The following NTM variants were observed in gnomAD, a reference collection of about 807,000 sequenced individuals.
NTM encodes the protein IgLON family member 2.
Under a neutral mutation model 42.1 loss-of-function variants are expected in NTM, and 13 were observed. The ratio of observed to expected loss-of-function variants is 0.31; its 90% CI spans 0.20 to 0.49. The LOEUF (loss-of-function observed/expected upper bound fraction) is 0.49. Among genes scored for constraint, NTM ranks in the 20% least tolerant of loss-of-function variants. The probability of loss-of-function intolerance (pLI) is 0.99; values close to 1 mark genes in which losing one functional copy is unlikely to be tolerated. For synonymous variants in NTM, 187 were observed against 179.2 expected (o/e 1.04, Z -0.35); for missense variants, 373 against 452.8 (o/e 0.82, Z 1.60).
intron 3 of NTM, among the ~76,000 whole-genome samples, chr11:132,151,893 A>G (rs2071990050): frequency 6.6e-6 from 1 of 152,194 alleles, no homozygotes; most frequent in Non-Finnish European, 1.5e-5. Context: ...CTTGCAAATA[A>G]TGGAAGTATG....
At chr11:131,645,416 G>A (rs928306233) in intron 1 of NTM, among the ~76,000 whole-genome samples, 29 of 152,184 alleles carry the variant, frequency 1.9e-4, no homozygotes, top group African/African-American at 7.0e-4. Context: ...CAGCAGACGT[G>A]CTGGGGAAAG....
chr11:132,317,963 G>A (rs1040298097), intron 7 of NTM, among the ~76,000 whole-genome samples: 1 of 152,224 alleles, frequency 6.6e-6, no homozygotes, highest in East Asian at 1.9e-4. Flanking sequence ...TCAGCACAAA[G>A]GCAAAGGGTA....
intron 3 of NTM, among the ~76,000 whole-genome samples, chr11:132,172,844 G>A (rs1341359981): frequency 1.3e-5 from 2 of 152,150 alleles, no homozygotes; most frequent in Non-Finnish European, 1.5e-5. Context: ...TGTTTCGATC[G>A]CTTTTGCCAT....
chr11:131,713,774 T>A (rs1199306924), intron 1 of NTM, among the ~76,000 whole-genome samples: 1 of 152,166 alleles, frequency 6.6e-6, no homozygotes, highest in East Asian at 1.9e-4. Context: ...AGACTTAGAC[T>A]GAGGGGCATA....
intron 2 of NTM, among the ~76,000 whole-genome samples, chr11:131,998,879 A>G (rs1015007553): frequency 6.6e-6 from 1 of 152,150 alleles, no homozygotes; most frequent in Admixed American, 6.5e-5. Context: ...CAGCGTGGGT[A>G]TTATGGGAGA....
At chr11:131,581,305 A>G (rs2058389732) in intron 1 of NTM, among the ~76,000 whole-genome samples, 1 of 152,158 alleles carries the variant, frequency 6.6e-6, no homozygotes, top group Admixed American at 6.5e-5. Flanking sequence ...CTCGGTCCCC[A>G]GGGAGGCATG....
intron 1 of NTM, among the ~76,000 whole-genome samples, chr11:131,683,768 G>A (rs547323855): frequency 7.9e-5 from 12 of 152,320 alleles, no homozygotes; most frequent in African/African-American, 2.9e-4. Context: ...AGAGCAGGTG[G>A]CTGGAAGTTT....
chr11:131,479,558 C>T (rs1362500568), intron 1 of NTM, among the ~76,000 whole-genome samples: 1 of 152,184 alleles, frequency 6.6e-6, no homozygotes, highest in Non-Finnish European at 1.5e-5. Flanking sequence ...TGGAACTCCT[C>T]ACCTTGGGCC....
chr11:132,176,696 A>T, intron 3 of NTM, among the ~76,000 whole-genome samples: 1 of 144,474 alleles, frequency 6.9e-6, no homozygotes, highest in Admixed American at 7.0e-5. Context: ...GCCTCTGTGA[A>T]TCCTAGTTGA....
In NTM at chr11:131,401,820, A is replaced by ATATATATATATGTG. The variant is rs1565465377; in HGVS notation, c.82+30943_82+30944insGTGTATATATATAT. 4.6e-4 allele frequency among the ~76,000 whole-genome samples: 23 copies of ATATATATATATGTG among 49,916 alleles called. 2 individuals carry two copies. The highest frequency in any genetic ancestry group is 6.7e-4 in the Non-Finnish European group (17 of 25,216). 32.7% of individuals were successfully genotyped at this position (49,916 alleles called of 152,430 possible). On this transcript the variant is annotated intron_variant, in intron 1 of 8. Coordinates refer to ENST00000683400, the MANE Select transcript of NTM (RefSeq NM_001352005.2). The stretch of plus-strand genomic sequence containing the variant: ...TGGAAATATATATATATATATATAT[A>ATATATATATATGTG]TATATATATATATATATATATATAT...
intron 4 of NTM, among the ~76,000 whole-genome samples, chr11:132,216,328 T>C (rs1176509858): frequency 1.3e-5 from 2 of 152,202 alleles, no homozygotes; most frequent in Non-Finnish European, 2.9e-5. Flanking sequence ...GATTCCTACA[T>C]TGCCACATTC....
intron 4 of NTM, among the ~76,000 whole-genome samples, chr11:132,257,320 A>C (rs2092562291): frequency 6.6e-6 from 1 of 152,220 alleles, no homozygotes; most frequent in Non-Finnish European, 1.5e-5. Flanking sequence ...AGTGTCTCCA[A>C]GCTTTGACAC....
intron 1 of NTM, among the ~76,000 whole-genome samples, chr11:131,871,092 A>T (rs1234327717): frequency 6.6e-6 from 1 of 152,204 alleles, no homozygotes; most frequent in African/African-American, 2.4e-5. Flanking sequence ...TGAGTTTATT[A>T]TCTGTTGCTG....
At chr11:132,273,335 T>TTC (rs1208956696) in intron 4 of NTM, among the ~76,000 whole-genome samples, 1 of 127,910 alleles carries the variant, frequency 7.8e-6, no homozygotes, top group Non-Finnish European at 1.7e-5. Context: ...TTTTTTTTTT[T>TTC]CCTGAGGAAT....
chr11:131,535,496 C>T (rs149898945), intron 1 of NTM: 13 of 152,218 alleles, frequency 8.5e-5, no homozygotes, highest in Admixed American at 5.2e-4. Flanking sequence ...CTCATCGCCT[C>T]GTCTGATGCT....
At chr11:131,442,815 G>T (rs985819658) in intron 1 of NTM, among the ~76,000 whole-genome samples, 1 of 151,548 alleles carries the variant, frequency 6.6e-6, no homozygotes, top group East Asian at 1.9e-4. Flanking sequence ...ATATATGTGT[G>T]TGTATATATA....
intron 1 of NTM, among the ~76,000 whole-genome samples, chr11:131,855,343 A>G (rs1308670627): frequency 6.6e-6 from 1 of 152,204 alleles, no homozygotes; most frequent in African/African-American, 2.4e-5. Context: ...ATTAATTTAA[A>G]TGAAAGTTTA....
intron 1 of NTM, among the ~76,000 whole-genome samples, chr11:131,678,881 G>T (rs1446104129): frequency 1.3e-5 from 2 of 152,244 alleles, no homozygotes; most frequent in Non-Finnish European, 2.9e-5. Flanking sequence ...TGGAGAGAGA[G>T]TGGTTCAGGA....
At position 131,455,069 on chromosome 11, in the gene NTM, G is replaced by A. The variant is rs927897634; in HGVS notation, c.82+84181G>A. On this transcript the variant is annotated intron_variant, in intron 1 of 8. Coordinates refer to ENST00000683400, the MANE Select transcript of NTM (RefSeq NM_001352005.2). The stretch of plus-strand genomic sequence containing the variant: ...CTATACATTTGCTGATTTTGTGTGC[G>A]TGCTGTTCAACGCAAGCATGATAGT... 5.9e-5 allele frequency among the ~76,000 whole-genome samples: 9 copies of A among 152,162 alleles called. No individual in the cohort carries two copies. In the South Asian group the frequency reaches 1.0e-3, roughly 18 times the overall value.
Sources: gnomAD v4.1 joint callset for allele counts (sites outside exome capture counted in the v4.1 genomes callset) on GRCh38, gnomAD v4.1.1 for gene constraint, MANE v1.5 for transcripts, NCBI Gene and HGNC (gene_info 2026-07-23, HGNC 2026-07-21) for gene names.